The following SEMA3F variants were observed in gnomAD, a reference collection of about 807,000 sequenced individuals.
The protein encoded by SEMA3F is semaphorin 3F, also known as semaphorin-3F.
SEMA3F carries 30 observed loss-of-function variants against 98.5 expected under a neutral mutation model. The ratio of observed to expected loss-of-function variants is 0.30; its 90% CI spans 0.23 to 0.41. The LOEUF is 0.41. Among genes scored for constraint, SEMA3F ranks in the 10% least tolerant of loss-of-function variants. The probability of loss-of-function intolerance (pLI) is 1.00; values close to 1 mark genes in which losing one functional copy is unlikely to be tolerated. For missense variants in SEMA3F, 866 were observed against 1,119.3 expected, an observed-to-expected ratio of 0.77 and a Z score of 3.23; for synonymous variants, 380 against 444.8, an observed-to-expected ratio of 0.85 and a Z score of 1.83.
intron 2 of SEMA3F, among the ~76,000 whole-genome samples, chr3:50,161,477 C>T (rs1239786625): frequency 6.6e-6 from 1 of 152,230 alleles, no homozygotes; most frequent in African/African-American, 2.4e-5. Flanking sequence ...AAGCCGACAC[C>T]CGCAGTGACT....
At chr3:50,159,356 C>T (rs1380402233) in intron 1 of SEMA3F, 9 of 429,444 alleles carry the variant, frequency 2.1e-5, no homozygotes, top group South Asian at 4.8e-5. Flanking sequence ...TCCAGCAGCC[C>T]CCATCAGTTC....
At chr3:50,177,418 G>A (rs1339724739) in intron 7 of SEMA3F, among the ~76,000 whole-genome samples, 3 of 152,164 alleles carry the variant, frequency 2.0e-5, no homozygotes, top group African/African-American at 2.4e-5. Context: ...TGCAGGTTGG[G>A]TGAACCCATC....
chr3:50,159,313 A>C, intron 1 of SEMA3F: 2 of 315,188 alleles, frequency 6.3e-6, no homozygotes, highest in Non-Finnish European at 1.1e-5. Context: ...TGTGAATGGA[A>C]TTCAGCATGC....
intron 13 of SEMA3F, 105 bp from the exon 14 acceptor site, chr3:50,185,338 C>A: frequency 9.5e-7 from 1 of 1,051,916 alleles, no homozygotes; most frequent in South Asian, 1.6e-5. Flanking sequence ...AGCTCCAGCT[C>A]CAATGCCCTA....
intron 1 of SEMA3F, chr3:50,159,223 G>T (rs1698110706): frequency 5.7e-6 from 1 of 174,548 alleles, no homozygotes; most frequent in African/African-American, 2.4e-5. Flanking sequence ...CCACTTTATT[G>T]GCCACAGATG....
intron 6 of SEMA3F, 49 bp from the exon 7 acceptor site, chr3:50,176,719 T>G (rs1375700969): frequency 7.1e-7 from 1 of 1,399,732 alleles, no homozygotes; most frequent in African/African-American, 1.4e-5. Context: ...TTACACTTCC[T>G]GGCTGGGGGA....
chr3:50,172,070 G>A (rs891911374), intron 2 of SEMA3F, among the ~76,000 whole-genome samples: 2 of 152,150 alleles, frequency 1.3e-5, no homozygotes, highest in African/African-American at 4.8e-5. Context: ...CTAGGGCCTC[G>A]GATCCCAGCT....
chr3:50,186,402 C>T, intron 17 of SEMA3F, 54 bp downstream of exon 17: 1 of 1,567,676 alleles, frequency 6.4e-7, no homozygotes, highest in Non-Finnish European at 8.8e-7. Context: ...GAAGTCCACG[C>T]AGCCCACGAA....
In SEMA3F at chr3:50,177,124, A is replaced by G. The variant is rs145441398; in HGVS notation, c.643+263A>G. 1.1e-4 allele frequency among the ~76,000 whole-genome samples: 16 copies of G among 152,308 alleles called. No individual in the cohort carries two copies. The East Asian group carries it at 3.1e-3, about 29-fold the overall frequency. On this transcript the variant is annotated intron_variant, in intron 7 of 18. Transcript: ENST00000002829. Reference sequence around the variant, plus strand: ...GCCAGGTCCTACCCTGAAACACACAATGTGGTCCATGCAAAGTCCAGAACC... The same window carrying G: ...GCCAGGTCCTACCCTGAAACACACAGTGTGGTCCATGCAAAGTCCAGAACC...
In SEMA3F at chr3:50,186,729, G is replaced by A; in HGVS notation, c.1930G>A (p.Gly644Ser). The A allele has an allele frequency of 6.2e-7, 1 of 1,603,540 alleles. No individual in the cohort carries two copies. Among genetic ancestry groups the A allele is most frequent in the Non-Finnish European group, 8.5e-7 (1 of 1,171,706 alleles). Residue 644 changes from glycine (G) to serine (S), a missense_variant, in exon 18 of 19, where the codon GGT becomes AGT. Gly to Ser is a moderately conservative substitution (Grantham distance 56, BLOSUM62 0). Transcript: ENST00000002829. ...TAAGTGGCTGTTCCAGCGAGATCCT[G>A]GTGACCGGCGCCGAGAGGTGAGTTC... ...TVKWLFQRDP[G>S]DRRREIRAED... is the part of the protein sequence containing the mutation.
rs1343819295 is a variant in SEMA3F at position 50,188,945 on chromosome 3, T to G, written c.*830T>G. 6.6e-6 allele frequency: 1 copy of G among 151,916 alleles called. No individual in the cohort carries two copies. The highest frequency in any genetic ancestry group is 1.5e-5 in the Non-Finnish European group (1 of 67,990). 9.4% of individuals were successfully genotyped at this position (151,916 alleles called of 1,614,324 possible). On this transcript the variant is annotated 3_prime_UTR_variant, in exon 19 of 19. Coordinates refer to ENST00000002829, the MANE Select transcript of SEMA3F (RefSeq NM_004186.5). This position sits in a 1 kb window ranked among gnomAD's most constrained non-coding sequence, Gnocchi z 4.5. ...CCCTTATGTCCACCACTTCAGGGGATGGGTGTGGATGTAATTAGCTCTGGG... is the reference window on the plus strand; with the variant it reads ...CCCTTATGTCCACCACTTCAGGGGAGGGGTGTGGATGTAATTAGCTCTGGG...
In SEMA3F at chr3:50,185,545, C is replaced by G. The variant is rs182660760; in HGVS notation, c.1545+14C>G. 2 of 1,613,196 alleles carry G rather than the reference C, an allele frequency of 1.2e-6. No homozygotes were observed. Among genetic ancestry groups the G allele is most frequent in the Non-Finnish European group, 1.7e-6 (2 of 1,179,278 alleles). On this transcript the variant is annotated intron_variant, in intron 14 of 18. Coordinates refer to ENST00000002829, the MANE Select transcript of SEMA3F (RefSeq NM_004186.5). ...GAGGTCTTCAAGGTGGGTGTGACAC[C>G]ACCCAGTCCTGACCTCCCCACCTTT...
chr3:50,165,943 G>T (rs1341847013), intron 2 of SEMA3F, among the ~76,000 whole-genome samples: 1 of 152,144 alleles, frequency 6.6e-6, no homozygotes, highest in Admixed American at 6.5e-5. Flanking sequence ...GGCTCATCGG[G>T]CTGACGGGCT....
At chr3:50,177,068 G>T (rs900119785) in intron 7 of SEMA3F, among the ~76,000 whole-genome samples, 1 of 152,184 alleles carries the variant, frequency 6.6e-6, no homozygotes, top group Non-Finnish European at 1.5e-5. Flanking sequence ...AGAAGCCTCC[G>T]CCTGGCCCCT....
intron 2 of SEMA3F, among the ~76,000 whole-genome samples, chr3:50,160,352 G>T (rs1698158656): frequency 6.6e-6 from 1 of 152,200 alleles, no homozygotes; most frequent in Non-Finnish European, 1.5e-5. Flanking sequence ...CTGAGCTCCA[G>T]TGAGCACTTT....
At chr3:50,171,010 C>T (rs952929367) in intron 2 of SEMA3F, among the ~76,000 whole-genome samples, 1 of 152,208 alleles carries the variant, frequency 6.6e-6, no homozygotes, top group Non-Finnish European at 1.5e-5. Context: ...CTCCTTCAGC[C>T]ATGGACCTAG....
At chr3:50,173,753 T>A (rs200472848) in intron 2 of SEMA3F, 40 bp from the exon 3 acceptor site, 199 of 1,598,266 alleles carry the variant, frequency 1.2e-4, no homozygotes, top group Non-Finnish European at 1.6e-4. Flanking sequence ...CTGGATGGTT[T>A]CCTGAAGGTC....
At chr3:50,180,348 G>C (rs1698972248) in intron 7 of SEMA3F, among the ~76,000 whole-genome samples, 1 of 151,930 alleles carries the variant, frequency 6.6e-6, no homozygotes, top group African/African-American at 2.4e-5. Flanking sequence ...ATTTTTAGTA[G>C]AAGTGGGTTA....
At chr3:50,160,063 C>T (rs927077833) in intron 2 of SEMA3F, among the ~76,000 whole-genome samples, 3 of 152,170 alleles carry the variant, frequency 2.0e-5, no homozygotes, top group East Asian at 3.9e-4. Flanking sequence ...TCCTTCCAAA[C>T]TTATGTCTGC....
Sources: gnomAD v4.1 joint callset for allele counts (sites outside exome capture counted in the v4.1 genomes callset) on GRCh38, gnomAD v4.1.1 for gene constraint, Gnocchi (gnomAD v3.1) non-coding constraint, MANE v1.5 for transcripts, NCBI Gene and HGNC (gene_info 2026-07-23, HGNC 2026-07-21) for gene names.